Variants in SLCO3A1 observed in about 807,000 individuals in gnomAD.
SLCO3A1 encodes the protein solute carrier organic anion transporter family member 3A1.
In SLCO3A1, 27 loss-of-function variants were observed where a neutral mutation model predicts 63.1. That is an observed-to-expected ratio of 0.43 (90% confidence interval 0.32 to 0.59). The LOEUF (loss-of-function observed/expected upper bound fraction) is 0.59. SLCO3A1 is among the 20% of genes least tolerant of loss of function. SLCO3A1 has a pLI of 0.09. For missense variants in SLCO3A1, 773 were observed against 945.8 expected (o/e 0.82, Z 2.40); for synonymous variants, 473 against 409.9 (o/e 1.15, Z -1.86).
intron 2 of SLCO3A1, among the ~76,000 whole-genome samples, chr15:91,939,487 T>C (rs1268003424): frequency 6.6e-6 from 1 of 152,150 alleles, no homozygotes; most frequent in Non-Finnish European, 1.5e-5. Context: ...CTCCCAGCTT[T>C]GCAGGGCTGG....
In SLCO3A1 at chr15:91,967,079, T is replaced by C. The variant is rs1167800980; in HGVS notation, c.646+50621T>C. Among the ~76,000 whole-genome samples the C allele has an allele frequency of 6.6e-6, 1 of 152,154 alleles. No homozygotes were observed. Among genetic ancestry groups the C allele is most frequent in the Admixed American group, 6.5e-5 (1 of 15,268 alleles). ...ATAACTTTATAAAGGGCTTTAAAAC[T>C]GTCTTTGTAAATGATCCAGAAGAGT... On this transcript the variant is annotated intron_variant, in intron 2 of 9. Transcript: ENST00000318445. The surrounding 1 kb of genome is among the most constrained non-coding windows in gnomAD (Gnocchi z 4.4).
In SLCO3A1 at chr15:92,142,349, A is replaced by G. The variant is rs543988650; in HGVS notation, c.1513-4635A>G. Reference sequence around the variant, plus strand: ...GCAGCTCTGGAGGCTGGGAAGTCCAATATTAAACTGCTGATGGATCTGACA... The same window carrying G: ...GCAGCTCTGGAGGCTGGGAAGTCCAGTATTAAACTGCTGATGGATCTGACA... On this transcript the variant is annotated intron_variant, in intron 7 of 9. Transcript: ENST00000318445. 5.9e-5 allele frequency among the ~76,000 whole-genome samples: 9 copies of G among 152,312 alleles called. No homozygotes were observed. In the South Asian group the frequency reaches 1.9e-3, roughly 32 times the overall value.
intron 2 of SLCO3A1, among the ~76,000 whole-genome samples, chr15:92,020,568 C>T (rs1281465275): frequency 1.3e-5 from 2 of 152,092 alleles, no homozygotes; most frequent in African/African-American, 4.8e-5. Flanking sequence ...CTCTTGACTC[C>T]CATTTGTATT....
intron 7 of SLCO3A1, among the ~76,000 whole-genome samples, chr15:92,132,560 G>T (rs535180576): frequency 7.0e-6 from 1 of 142,012 alleles, no homozygotes; most frequent in African/African-American, 2.6e-5. Flanking sequence ...AAGCATGTTA[G>T]TATGCTGTGG....
intron 6 of SLCO3A1, 102 bp from the exon 7 acceptor site, chr15:92,128,249 A>G (rs2047949202): frequency 7.4e-7 from 1 of 1,348,348 alleles, no homozygotes; most frequent in Non-Finnish European, 1.0e-6. Context: ...TAAGCAGGGT[A>G]CCACGCGACT....
chr15:92,128,419 C>G lies in SLCO3A1; in HGVS notation c.1442C>G (p.Ser481Cys), dbSNP rs1207723903. 6.2e-7 allele frequency: 1 copy of G among 1,614,172 alleles called. No homozygotes were observed. The highest frequency in any genetic ancestry group is 8.5e-7 in the Non-Finnish European group (1 of 1,180,012). Residue 481 changes from serine to cysteine, a missense_variant, in exon 7 of 10, where the codon TCC (serine) becomes TGC (cysteine). By Grantham distance (112) the Ser-to-Cys change is moderately radical (BLOSUM62 -1). Around this residue, in one of 3 missense-constraint regions of SLCO3A1, gnomAD observed 565 missense variants for 749.8 expected, o/e 0.75. Coordinates refer to ENST00000318445, the MANE Select transcript of SLCO3A1 (RefSeq NM_013272.4). ...CNNNCECQTD[S>C]FTPVCGADGI... ...AATAACTGTGAATGCCAAACCGATT[C>G]CTTCACTCCAGTGTGTGGGGCAGAT...
chr15:92,144,543 C>T (rs1373774941), intron 7 of SLCO3A1, among the ~76,000 whole-genome samples: 1 of 152,210 alleles, frequency 6.6e-6, no homozygotes. Context: ...TGTAATTTTC[C>T]TTACGCAACG....
At chr15:91,978,951 A>G (rs756203487) in intron 2 of SLCO3A1, among the ~76,000 whole-genome samples, 5 of 152,158 alleles carry the variant, frequency 3.3e-5, no homozygotes, top group Non-Finnish European at 2.9e-5. Context: ...TACCTACCCT[A>G]TTTTGGCCTG....
At chr15:91,991,107 C>A (rs114597910) in intron 2 of SLCO3A1, among the ~76,000 whole-genome samples, 1,901 of 152,256 alleles carry the variant, frequency 0.012, 43 homozygotes, top group African/African-American at 0.043. Flanking sequence ...CAATGGCTCA[C>A]GCCTGTAATC....
intron 2 of SLCO3A1, among the ~76,000 whole-genome samples, chr15:92,026,683 G>A (rs1441839962): frequency 6.6e-6 from 1 of 152,208 alleles, no homozygotes; most frequent in Non-Finnish European, 1.5e-5. Flanking sequence ...AAAGAGACAT[G>A]TACAAAGGAG....
intron 3 of SLCO3A1, among the ~76,000 whole-genome samples, chr15:92,101,016 T>G (rs1596101758): frequency 1.3e-5 from 2 of 152,076 alleles, no homozygotes; most frequent in African/African-American, 4.8e-5. Context: ...AGTGAGGAGG[T>G]GTCATCCTCC....
chr15:92,034,787 G>C (rs1308288125), intron 2 of SLCO3A1, among the ~76,000 whole-genome samples: 1 of 151,956 alleles, frequency 6.6e-6, no homozygotes, highest in Non-Finnish European at 1.5e-5. Context: ...GTGGCTATGG[G>C]AACTGTCATT....
Position 92,146,965 on chromosome 15 carries a change from CT to C in SLCO3A1, c.1513-18del. The C allele has an allele frequency of 6.3e-7, 1 of 1,593,026 alleles. No individual in the cohort carries two copies. The highest frequency in any genetic ancestry group is 8.5e-7 in the Non-Finnish European group (1 of 1,170,344). ...CCGGAAGTACCCCCAGATAAAAGGG[CT>C]GAACGCTTCCCTTTCAGAATCTCAC... On this transcript the variant is annotated intron_variant, in intron 7 of 9. Coordinates refer to ENST00000318445, the MANE Select transcript of SLCO3A1 (RefSeq NM_013272.4).
At chr15:91,907,158 G>C (rs1275773641) in intron 1 of SLCO3A1, among the ~76,000 whole-genome samples, 1 of 152,180 alleles carries the variant, frequency 6.6e-6, no homozygotes, top group Non-Finnish European at 1.5e-5. Flanking sequence ...GAAAAATGCA[G>C]GCGATGGCAG....
At chr15:92,144,635 G>A (rs746117046) in intron 7 of SLCO3A1, among the ~76,000 whole-genome samples, 32 of 152,318 alleles carry the variant, frequency 2.1e-4, no homozygotes, top group South Asian at 4.1e-4. Context: ...TGCAAAAGGG[G>A]CATACCGCAA....
At chr15:91,915,907 G>A (rs995566741) in intron 1 of SLCO3A1, 86 bp from the exon 2 acceptor site, 2 of 1,163,828 alleles carry the variant, frequency 1.7e-6, no homozygotes, top group African/African-American at 1.6e-5. Context: ...CGGGGGGGAT[G>A]GGCAGAGCGC....
At chr15:92,129,707 G>A (rs1216440503) in intron 7 of SLCO3A1, among the ~76,000 whole-genome samples, 1 of 152,208 alleles carries the variant, frequency 6.6e-6, no homozygotes, top group Non-Finnish European at 1.5e-5. Context: ...GAGATCATTA[G>A]CTGCTGCTTC....
intron 2 of SLCO3A1, among the ~76,000 whole-genome samples, chr15:91,956,287 G>A (rs778512492): frequency 6.6e-6 from 1 of 152,162 alleles, no homozygotes; most frequent in Non-Finnish European, 1.5e-5. Context: ...GTGAGCAAAT[G>A]ACTGAGGAGG....
At chr15:91,917,179 G>A (rs1898690080) in intron 2 of SLCO3A1, among the ~76,000 whole-genome samples, 1 of 152,046 alleles carries the variant, frequency 6.6e-6, no homozygotes, top group South Asian at 2.1e-4. Context: ...GTGAGGGCTG[G>A]CCAGCCCCGC....
Sources: gnomAD v4.1 joint callset for allele counts (sites outside exome capture counted in the v4.1 genomes callset) on GRCh38, gnomAD v4.1.1 for gene constraint, gnomAD v4.1.1 regional missense constraint, Gnocchi (gnomAD v3.1) non-coding constraint, MANE v1.5 for transcripts, NCBI Gene and HGNC (gene_info 2026-07-23, HGNC 2026-07-21) for gene names.